Variants in ANKDD1B observed in about 807,000 individuals in gnomAD.
ANKDD1B encodes ankyrin repeat and death domain-containing protein 1B.
Under a neutral mutation model 59.7 loss-of-function variants are expected in ANKDD1B, and 57 were observed. The ratio of observed to expected loss-of-function variants is 0.95; its 90% CI spans 0.77 to 1.19. The LOEUF (loss-of-function observed/expected upper bound fraction) is 1.19. Among genes scored for constraint, ANKDD1B ranks in the 50% most tolerant of loss-of-function variants. The probability of loss-of-function intolerance (pLI) is 0.00; values close to 1 mark genes in which losing one functional copy is unlikely to be tolerated. For missense variants in ANKDD1B, 602 were observed against 641.9 expected, an observed-to-expected ratio of 0.94 and a Z score of 0.67; for synonymous variants, 216 against 239.5, an observed-to-expected ratio of 0.90 and a Z score of 0.91.
chr5:75,667,095 A>T (rs1453859719), intron 12 of ANKDD1B, 102 bp downstream of exon 12: 1 of 727,614 alleles, frequency 1.4e-6, no homozygotes, highest in African/African-American at 1.8e-5. Flanking sequence ...CACTCACAAT[A>T]AGCTGCAGTC....
chr5:75,664,670 A>G (rs1040423436), intron 11 of ANKDD1B, among the ~76,000 whole-genome samples: 17 of 152,246 alleles, frequency 1.1e-4, no homozygotes, highest in Middle Eastern at 3.4e-3. Context: ...TTAATTCCTG[A>G]TAGCTCTTTA....
At chr5:75,615,483 G>A (rs959547800) in intron 1 of ANKDD1B, among the ~76,000 whole-genome samples, 5 of 152,166 alleles carry the variant, frequency 3.3e-5, no homozygotes, top group Non-Finnish European at 7.3e-5. Flanking sequence ...GAATCTGCAT[G>A]AGTCTACTCA....
chr5:75,643,247 G>A (rs1774532358), intron 7 of ANKDD1B, among the ~76,000 whole-genome samples: 1 of 83,812 alleles, frequency 1.2e-5, no homozygotes, highest in African/African-American at 1.1e-4. Context: ...GCTGGATGGA[G>A]AATGATTTTG....
Position 75,611,660 on chromosome 5 carries a change from G to A in ANKDD1B, c.26G>A (p.Gly9Asp), listed in dbSNP as rs570486614. The A allele has an allele frequency of 5.3e-5, 65 of 1,231,572 alleles. No individual in the cohort carries two copies. Among genetic ancestry groups the A allele is most frequent in the Middle Eastern group, 6.2e-4 (2 of 3,206 alleles). 76.3% of individuals were successfully genotyped at this position (1,231,572 alleles called of 1,614,324 possible). A position where few individuals can be genotyped will look rare whatever the true frequency, so the allele number is the denominator to read the frequency against. Residue 9 changes from glycine (G) to aspartate (D), a missense_variant, in exon 1 of 14, where the codon GGC becomes GAC. Gly to Asp is a moderately conservative substitution (Grantham distance 94). Transcript: ENST00000601380. ...ATGGACCCCGCCGGGCGCGCCCGGGGCCAAGGGGCCACGGCAGGGGGGCTG... is the reference window on the plus strand; with the variant it reads ...ATGGACCCCGCCGGGCGCGCCCGGGACCAAGGGGCCACGGCAGGGGGGCTG... Reference protein sequence around the residue: MDPAGRARGQGATAGGLLL... With the variant: MDPAGRARDQGATAGGLLL...
intron 1 of ANKDD1B, among the ~76,000 whole-genome samples, chr5:75,613,395 T>C (rs75346941): frequency 6.6e-6 from 1 of 152,188 alleles, no homozygotes; most frequent in East Asian, 1.9e-4. Context: ...GATTGACATA[T>C]GAAACACTTG....
Position 75,631,332 on chromosome 5 carries a change from A to T in ANKDD1B, c.601-3566A>T, listed in dbSNP as rs143613948. ...CCTCTGTGTCCTTGCAAACTAAATA[A>T]AGATAGATTATTAACTATGTTACTA... On this transcript the variant is annotated intron_variant, in intron 5 of 13. Transcript: ENST00000601380. Among the ~76,000 whole-genome samples, 13 of 152,326 alleles carry T rather than the reference A, an allele frequency of 8.5e-5. 2 individuals are homozygous for T. The highest frequency in any genetic ancestry group is 3.1e-4 in the African/African-American group (13 of 41,584).
chr5:75,632,413 G>A (rs1315330215), intron 5 of ANKDD1B, among the ~76,000 whole-genome samples: 3 of 152,136 alleles, frequency 2.0e-5, no homozygotes, highest in Non-Finnish European at 4.4e-5. Flanking sequence ...TTCTTATCAG[G>A]TGGCAAAGAG....
intron 7 of ANKDD1B, among the ~76,000 whole-genome samples, chr5:75,637,870 G>A (rs1369243118): frequency 6.6e-6 from 1 of 152,062 alleles, no homozygotes; most frequent in Non-Finnish European, 1.5e-5. Context: ...AGCGGCATGG[G>A]AGATGCAGCA....
chr5:75,617,023 A>T, intron 2 of ANKDD1B, 116 bp downstream of exon 2: 1 of 540,626 alleles, frequency 1.8e-6, no homozygotes, highest in Admixed American at 3.2e-5. Flanking sequence ...GATAAGGGAG[A>T]GCTGCTTTGT....
intron 7 of ANKDD1B, among the ~76,000 whole-genome samples, chr5:75,648,694 C>T (rs988687110): frequency 1.3e-5 from 2 of 152,128 alleles, no homozygotes; most frequent in Non-Finnish European, 2.9e-5. Context: ...AACCTCAGCC[C>T]CCACTAGCTA....
At chr5:75,655,129 T>TAGC (rs1165850990) in intron 8 of ANKDD1B, among the ~76,000 whole-genome samples, 1 of 152,178 alleles carries the variant, frequency 6.6e-6, no homozygotes, top group Non-Finnish European at 1.5e-5. Flanking sequence ...GGTGGGACTG[T>TAGC]AGCAGCACAG....
chr5:75,640,704 G>C (rs1016730376), intron 7 of ANKDD1B, among the ~76,000 whole-genome samples: 2 of 151,324 alleles, frequency 1.3e-5, no homozygotes, highest in Non-Finnish European at 2.9e-5. Flanking sequence ...TCCAAATAAA[G>C]TATGTGTTCC....
At chr5:75,640,061 T>G (rs1774423357) in intron 7 of ANKDD1B, among the ~76,000 whole-genome samples, 1 of 152,130 alleles carries the variant, frequency 6.6e-6, no homozygotes, top group Admixed American at 6.5e-5. Flanking sequence ...TTTTTTGTTT[T>G]GAGATGAGGT....
intron 8 of ANKDD1B, among the ~76,000 whole-genome samples, chr5:75,654,305 G>T (rs1345635002): frequency 6.6e-6 from 1 of 152,162 alleles, no homozygotes; most frequent in Non-Finnish European, 1.5e-5. Context: ...GAGTCAGAAA[G>T]GTCTGGGTTC....
At chr5:75,651,815 A>G (rs1227119032) in intron 7 of ANKDD1B, among the ~76,000 whole-genome samples, 1 of 152,186 alleles carries the variant, frequency 6.6e-6, no homozygotes, top group Non-Finnish European at 1.5e-5. Context: ...GACTTAACAA[A>G]CATTTATTTC....
rs1291956591 is a variant in ANKDD1B, at chr5:75,654,329, G to C, written c.897+1089G>C. Among the ~76,000 whole-genome samples, 3 of 152,180 alleles carry C rather than the reference G, an allele frequency of 2.0e-5. No individual in the cohort carries two copies. The East Asian group carries it at 5.8e-4, about 29-fold the overall frequency. ...AGGTCTGGGTTCAAGTCCTGTCTCT[G>C]CCACTTCCTTGCTGCATGGCCTTGT... On this transcript the variant is annotated intron_variant, in intron 8 of 13. Transcript: ENST00000601380.
rs1181013857 is a variant in ANKDD1B at position 75,659,233 on chromosome 5, A to G, written c.997-50A>G. On this transcript the variant is annotated intron_variant, in intron 9 of 13. Coordinates refer to ENST00000601380, the MANE Select transcript of ANKDD1B (RefSeq NM_001276713.2). ...CCTAAATAGGATGGCTATACTTTCC[A>G]TTTGTCTTTTCACCGTCCAAGTTTG... 2.9e-6 allele frequency: 4 copies of G among 1,374,068 alleles called. No individual in the cohort carries two copies. In the East Asian group the frequency reaches 9.9e-5, roughly 34 times the overall value. The allele number at this position is 1,374,068 out of a possible 1,614,324, so 85.1% of individuals were successfully genotyped here. A position where few individuals can be genotyped will look rare whatever the true frequency, so the allele number is the denominator to read the frequency against.
At chr5:75,654,131 C>A (rs763877538) in intron 8 of ANKDD1B, among the ~76,000 whole-genome samples, 1 of 152,208 alleles carries the variant, frequency 6.6e-6, no homozygotes, top group Non-Finnish European at 1.5e-5. Flanking sequence ...CTGCTCTGAC[C>A]CTTGCTGGCC....
At chr5:75,661,899 A>ATTTTTTTTTTTTTTTTTTTTT (rs35120763) in intron 10 of ANKDD1B, among the ~76,000 whole-genome samples, 2 of 92,804 alleles carry the variant, frequency 2.2e-5, no homozygotes, top group East Asian at 3.2e-4. Context: ...GGCTCCCACA[A>ATTTTTTTTTTTTTTTTTTTTT]TTTTTTTTTT....
Sources: gnomAD v4.1 joint callset for allele counts (sites outside exome capture counted in the v4.1 genomes callset) on GRCh38, gnomAD v4.1.1 for gene constraint, MANE v1.5 for transcripts, NCBI Gene and HGNC (gene_info 2026-07-23, HGNC 2026-07-21) for gene names.